The following NTNG1 variants were observed in gnomAD, a reference collection of about 807,000 sequenced individuals.
NTNG1 encodes netrin G1.
NTNG1 carries 16 observed loss-of-function variants against 54.0 expected under a neutral mutation model. The ratio of observed to expected loss-of-function variants is 0.30; its 90% CI spans 0.20 to 0.45. NTNG1 has a LOEUF of 0.45. Ranked by LOEUF, NTNG1 falls within the 20% of genes least tolerant of loss-of-function variation. The probability of loss-of-function intolerance (pLI) is 1.00; values close to 1 mark genes in which losing one functional copy is unlikely to be tolerated. For missense variants in NTNG1, 530 were observed against 678.7 expected, an observed-to-expected ratio of 0.78 and a Z score of 2.43; for synonymous variants, 255 against 263.1, an observed-to-expected ratio of 0.97 and a Z score of 0.30.
chr1:107,424,020 C>T (rs989443750), intron 5 of NTNG1, among the ~76,000 whole-genome samples: 1 of 151,962 alleles, frequency 6.6e-6, no homozygotes, highest in Non-Finnish European at 1.5e-5. Context: ...TAATTGTGCA[C>T]AAAACAGACA....
chr1:107,304,758 T>C (rs1382903748), intron 2 of NTNG1, among the ~76,000 whole-genome samples: 1 of 152,032 alleles, frequency 6.6e-6, no homozygotes, highest in Non-Finnish European at 1.5e-5. Flanking sequence ...ATACTTTAAG[T>C]TCTGGGATAC....
At chr1:107,249,040 T>C (rs1232223697) in intron 2 of NTNG1, among the ~76,000 whole-genome samples, 1 of 149,304 alleles carries the variant, frequency 6.7e-6, no homozygotes, top group Non-Finnish European at 1.5e-5. Flanking sequence ...GCGCCTGTAA[T>C]CTCAGCTTCT....
chr1:107,442,914 G>T (rs1446009990), intron 7 of NTNG1, among the ~76,000 whole-genome samples: 1 of 152,102 alleles, frequency 6.6e-6, no homozygotes, highest in Non-Finnish European at 1.5e-5. Context: ...ATGGAGATGG[G>T]TTTCAATTTA....
chr1:107,260,393 TG>T (rs1323245656), intron 2 of NTNG1, among the ~76,000 whole-genome samples: 1 of 152,198 alleles, frequency 6.6e-6, no homozygotes, highest in Non-Finnish European at 1.5e-5. Flanking sequence ...GTAGGGACAA[TG>T]GGATCCCCAT....
chr1:107,354,398 G>A (rs1205713847), intron 3 of NTNG1, among the ~76,000 whole-genome samples: 1 of 147,152 alleles, frequency 6.8e-6, no homozygotes, highest in East Asian at 2.0e-4. Context: ...GAACCCGGGA[G>A]GTGGAGCCTG....
At chr1:107,369,914 T>G (rs1024082750) in intron 3 of NTNG1, among the ~76,000 whole-genome samples, 6 of 152,172 alleles carry the variant, frequency 3.9e-5, no homozygotes, top group Admixed American at 3.9e-4. Context: ...TTGTAAGCGA[T>G]GAAGGTATGA....
At chr1:107,257,349 C>T (rs1481677397) in intron 2 of NTNG1, among the ~76,000 whole-genome samples, 1 of 152,172 alleles carries the variant, frequency 6.6e-6, no homozygotes, top group African/African-American at 2.4e-5. Flanking sequence ...GAAAAGTAGG[C>T]CTTTTGATAT....
At chr1:107,400,675 T>G (rs1672968967) in intron 4 of NTNG1, among the ~76,000 whole-genome samples, 1 of 150,204 alleles carries the variant, frequency 6.7e-6, no homozygotes, top group African/African-American at 2.4e-5. Flanking sequence ...TGAGATGTAG[T>G]TTTGCTCTTG....
intron 2 of NTNG1, among the ~76,000 whole-genome samples, chr1:107,315,917 G>A (rs779324860): frequency 2.6e-5 from 4 of 152,264 alleles, no homozygotes; most frequent in Non-Finnish European, 4.4e-5. Flanking sequence ...ATAAAAGATA[G>A]GAATATAGAT....
At chr1:107,439,006 T>G (rs1675787172) in intron 7 of NTNG1, among the ~76,000 whole-genome samples, 1 of 152,144 alleles carries the variant, frequency 6.6e-6, no homozygotes, top group South Asian at 2.1e-4. Context: ...ACTGGGCTAA[T>G]GGTAGGGCAC....
chr1:107,441,519 G>T (rs1357981406), intron 7 of NTNG1, among the ~76,000 whole-genome samples: 1 of 152,124 alleles, frequency 6.6e-6, no homozygotes, highest in Non-Finnish European at 1.5e-5. Flanking sequence ...CACATAGCAA[G>T]GGGGAGACAG....
chr1:107,342,156 T>C (rs1668938103), intron 3 of NTNG1, among the ~76,000 whole-genome samples: 1 of 152,112 alleles, frequency 6.6e-6, no homozygotes, highest in Non-Finnish European at 1.5e-5. Flanking sequence ...AGTAGACTTA[T>C]GAAAATAAGC....
At chr1:107,287,144 G>A (rs962169059) in intron 2 of NTNG1, among the ~76,000 whole-genome samples, 1 of 152,096 alleles carries the variant, frequency 6.6e-6, no homozygotes, top group Non-Finnish European at 1.5e-5. Flanking sequence ...GAAGAATAGG[G>A]TGTTCTAGCT....
chr1:107,175,429 T>C (rs570391097), intron 2 of NTNG1, among the ~76,000 whole-genome samples: 54 of 152,274 alleles, frequency 3.5e-4, no homozygotes, highest in African/African-American at 1.2e-3. Flanking sequence ...CATCAGGATA[T>C]TACTAGATTT....
Position 107,365,460 on chromosome 1 carries a change from G to A in NTNG1, c.888-29694G>A, listed in dbSNP as rs184942559. On this transcript the variant is annotated intron_variant, in intron 3 of 7. Coordinates refer to ENST00000370068, the MANE Select transcript of NTNG1 (RefSeq NM_001113226.3). ...TGGATTCCAGCCCCATTTTTAAGAA[G>A]TTAAAGGATAATAAAAAAAATTGTA... Among the ~76,000 whole-genome samples the A allele has an allele frequency of 1.2e-3, 175 of 152,074 alleles. 1 individual carries two copies. Among genetic ancestry groups the A allele is most frequent in the Non-Finnish European group, 1.2e-3 (83 of 67,992 alleles).
chr1:107,250,461 G>A (rs968365428), intron 2 of NTNG1, among the ~76,000 whole-genome samples: 7 of 151,974 alleles, frequency 4.6e-5, no homozygotes, highest in African/African-American at 1.7e-4. Context: ...GTGGTGTTTG[G>A]TTTTCTGTTC....
chr1:107,384,984 A>C (rs1242471992), intron 3 of NTNG1, among the ~76,000 whole-genome samples: 2 of 152,248 alleles, frequency 1.3e-5, no homozygotes, highest in Non-Finnish European at 2.9e-5. Flanking sequence ...GAATGGAATC[A>C]TAGAATGCTG....
chr1:107,250,999 T>A (rs972039826), intron 2 of NTNG1, among the ~76,000 whole-genome samples: 55 of 152,338 alleles, frequency 3.6e-4, no homozygotes, highest in African/African-American at 1.3e-3. Flanking sequence ...ATTCTTTATA[T>A]CTTGTTATTG....
intron 2 of NTNG1, among the ~76,000 whole-genome samples, chr1:107,191,816 T>G (rs1399050634): frequency 2.0e-5 from 3 of 151,948 alleles, no homozygotes; most frequent in South Asian, 4.1e-4. Flanking sequence ...TACCATGCTG[T>G]TTTGGTTACT....
Sources: gnomAD v4.1 joint callset for allele counts (sites outside exome capture counted in the v4.1 genomes callset) on GRCh38, gnomAD v4.1.1 for gene constraint, MANE v1.5 for transcripts, NCBI Gene and HGNC (gene_info 2026-07-23, HGNC 2026-07-21) for gene names.